LRRC4C: variants seen among roughly 807,000 people sequenced by gnomAD.
LRRC4C encodes leucine rich repeat containing 4C.
A neutral mutation model predicts 33.6 loss-of-function variants in LRRC4C; 5 were observed. The observed-to-expected ratio is 0.15, with a 90% confidence interval of 0.08 to 0.31. The LOEUF (loss-of-function observed/expected upper bound fraction) is 0.31, where lower values mean the gene tolerates loss of function less well. Among genes scored for constraint, LRRC4C ranks in the 10% least tolerant of loss-of-function variants. The pLI, the probability that LRRC4C is intolerant of heterozygous loss-of-function variation, is 1.00. For missense variants in LRRC4C, 560 were observed against 796.7 expected, an observed-to-expected ratio of 0.70 and a Z score of 3.58; for synonymous variants, 329 against 302.0, an observed-to-expected ratio of 1.09 and a Z score of -0.93.
At chr11:41,168,558 A>G (rs2136079138) in intron 1 of LRRC4C, among the ~76,000 whole-genome samples, 1 of 152,046 alleles carries the variant, frequency 6.6e-6, no homozygotes, top group East Asian at 1.9e-4. Context: ...CTCATCAACC[A>G]AACAATTCAT....
chr11:40,742,145 A>G (rs1299195579), intron 2 of LRRC4C, among the ~76,000 whole-genome samples: 3 of 152,044 alleles, frequency 2.0e-5, no homozygotes, highest in Non-Finnish European at 4.4e-5. Flanking sequence ...ATAATAATGT[A>G]TCTTTCTAGC....
intron 1 of LRRC4C, among the ~76,000 whole-genome samples, chr11:41,059,270 C>T (rs1420296694): frequency 1.2e-5 from 1 of 81,972 alleles, no homozygotes; most frequent in Non-Finnish European, 2.6e-5. Context: ...GTTTTGATGA[C>T]AAATAAACAA....
At chr11:40,664,540 G>T (rs1698124411) in intron 2 of LRRC4C, among the ~76,000 whole-genome samples, 1 of 107,092 alleles carries the variant, frequency 9.3e-6, no homozygotes, top group South Asian at 3.2e-4. Context: ...GCGAGACTCT[G>T]TCTCAAAAAA....
chr11:41,017,156 C>A (rs1286463049), intron 1 of LRRC4C, among the ~76,000 whole-genome samples: 1 of 152,110 alleles, frequency 6.6e-6, no homozygotes, highest in Non-Finnish European at 1.5e-5. Flanking sequence ...TTCACAAGTT[C>A]TTATTCCATT....
intron 1 of LRRC4C, among the ~76,000 whole-genome samples, chr11:41,330,477 G>A (rs1374994864): frequency 6.6e-6 from 1 of 152,098 alleles, no homozygotes; most frequent in Non-Finnish European, 1.5e-5. Context: ...TGAATCTAAT[G>A]TATCATGACA....
chr11:41,056,520 C>T (rs962985905), intron 1 of LRRC4C, among the ~76,000 whole-genome samples: 1 of 152,078 alleles, frequency 6.6e-6, no homozygotes, highest in Non-Finnish European at 1.5e-5. Flanking sequence ...ATGCATCTGA[C>T]AAAGGTCAAA....
At position 40,293,053 on chromosome 11, in the gene LRRC4C, C is replaced by T. The variant is rs146569915; in HGVS notation, c.-176+26575G>A. On this transcript the variant is annotated intron_variant, in intron 4 of 6. Transcript: ENST00000528697. ...TCGCCAAAGATCTGATTAGATTTCT[C>T]ATCACAACCCAGTGCGCAATTGAAT... The T allele has an allele frequency of 2.0e-5, 3 of 152,188 alleles. No homozygotes were observed. In the East Asian group the frequency reaches 5.8e-4, roughly 29 times the overall value. The allele number at this position is 152,188 out of a possible 1,614,324, so 9.4% of individuals were successfully genotyped here.
chr11:40,303,423 A>G (rs1188850559), intron 4 of LRRC4C, among the ~76,000 whole-genome samples: 1 of 152,152 alleles, frequency 6.6e-6, no homozygotes, highest in Non-Finnish European at 1.5e-5. Context: ...GGGCTTCCTT[A>G]TAAGGGTGAT....
intron 1 of LRRC4C, among the ~76,000 whole-genome samples, chr11:41,035,432 C>A (rs1022704477): frequency 3.3e-5 from 5 of 152,016 alleles, no homozygotes; most frequent in Non-Finnish European, 7.4e-5. Flanking sequence ...TCTCTGTGAC[C>A]ATGTGTTCTC....
At chr11:40,435,558 G>A (rs1268605567) in intron 3 of LRRC4C, among the ~76,000 whole-genome samples, 1 of 152,082 alleles carries the variant, frequency 6.6e-6, no homozygotes. Context: ...ATCTTCACTG[G>A]AAGAGCAATG....
At chr11:40,364,921 T>TAA (rs140371295) in intron 3 of LRRC4C, among the ~76,000 whole-genome samples, 258 of 150,948 alleles carry the variant, frequency 1.7e-3, no homozygotes, top group African/African-American at 5.9e-3. Flanking sequence ...TACATGTATG[T>TAA]AAAAAAAAAC....
intron 1 of LRRC4C, among the ~76,000 whole-genome samples, chr11:41,403,193 A>C (rs1171765158): frequency 6.6e-6 from 1 of 152,120 alleles, no homozygotes; most frequent in African/African-American, 2.4e-5. Context: ...TGAAAAAGTC[A>C]TTTCAAAAAG....
intron 2 of LRRC4C, among the ~76,000 whole-genome samples, chr11:40,930,534 G>A (rs911013375): frequency 6.6e-6 from 1 of 152,148 alleles, no homozygotes; most frequent in Non-Finnish European, 1.5e-5. Context: ...CAATGTATAT[G>A]CCAAATATTT....
intron 5 of LRRC4C, among the ~76,000 whole-genome samples, chr11:40,208,782 C>T (rs1264749087): frequency 6.6e-6 from 1 of 152,142 alleles, no homozygotes; most frequent in Non-Finnish European, 1.5e-5. Flanking sequence ...CTTTAGTTCC[C>T]TATTGATGTT....
At chr11:40,668,630 C>T (rs1408514656) in intron 2 of LRRC4C, among the ~76,000 whole-genome samples, 1 of 152,164 alleles carries the variant, frequency 6.6e-6, no homozygotes, top group East Asian at 1.9e-4. Flanking sequence ...AGCTCTGTTT[C>T]TCACCATCAT....
chr11:40,969,004 C>T (rs1435240822), intron 1 of LRRC4C, among the ~76,000 whole-genome samples: 1 of 152,074 alleles, frequency 6.6e-6, no homozygotes, highest in African/African-American at 2.4e-5. Flanking sequence ...TGGGAGAGCA[C>T]ACTGAAAATC....
chr11:40,503,470 C>T (rs897713740), intron 3 of LRRC4C, among the ~76,000 whole-genome samples: 4 of 152,172 alleles, frequency 2.6e-5, no homozygotes, highest in African/African-American at 9.7e-5. Context: ...GCTGAAAATG[C>T]TAAGCTGGTT....
chr11:41,232,136 A>G (rs529666462), intron 1 of LRRC4C, among the ~76,000 whole-genome samples: 3 of 151,980 alleles, frequency 2.0e-5, no homozygotes, highest in Non-Finnish European at 4.4e-5. Context: ...CAAATCTCTC[A>G]TTCTTTTCCA....
chr11:41,075,885 C>A (rs1040312997), intron 1 of LRRC4C, among the ~76,000 whole-genome samples: 4 of 152,148 alleles, frequency 2.6e-5, no homozygotes, highest in Non-Finnish European at 5.9e-5. Flanking sequence ...CTTTTAGTAA[C>A]CTCTGATTCA....
Sources: gnomAD v4.1 joint callset for allele counts (sites outside exome capture counted in the v4.1 genomes callset) on GRCh38, gnomAD v4.1.1 for gene constraint, MANE v1.5 for transcripts, NCBI Gene and HGNC (gene_info 2026-07-23, HGNC 2026-07-21) for gene names.